FHAD1: variants seen among roughly 807,000 people sequenced by gnomAD.
The protein encoded by FHAD1 is forkhead-associated domain-containing protein 1.
In FHAD1, 146 loss-of-function variants were observed where a neutral mutation model predicts 191.3. The observed-to-expected ratio is 0.76, with a 90% CI of 0.67 to 0.88. FHAD1 has a LOEUF of 0.88. FHAD1 is among the 40% of genes least tolerant of loss of function. The probability of loss-of-function intolerance (pLI) is 0.00; values close to 1 mark genes in which losing one functional copy is unlikely to be tolerated. For missense variants in FHAD1, 1,635 were observed against 1,785.8 expected, an observed-to-expected ratio of 0.92 and a Z score of 1.52; for synonymous variants, 616 against 672.3, an observed-to-expected ratio of 0.92 and a Z score of 1.29.
intron 28 of FHAD1, among the ~76,000 whole-genome samples, chr1:15,376,381 T>C (rs924557297): frequency 1.3e-5 from 2 of 152,222 alleles, no homozygotes; most frequent in Non-Finnish European, 2.9e-5. Context: ...TGAGCCACTG[T>C]GCCCGGCCGA....
chr1:15,377,103 G>A (rs1214770680), intron 28 of FHAD1, among the ~76,000 whole-genome samples: 3 of 152,176 alleles, frequency 2.0e-5, no homozygotes, highest in East Asian at 1.9e-4. Flanking sequence ...TGATGGACAC[G>A]TGACAGGTCA....
chr1:15,241,066 G>A (rs868738141), intron 1 of FHAD1, among the ~76,000 whole-genome samples: 10 of 152,174 alleles, frequency 6.6e-5, no homozygotes, highest in Non-Finnish European at 5.9e-5. Context: ...TGCAGCCTGT[G>A]AGACCCTAAA....
At chr1:15,359,345 G>T (rs1315853343) in intron 21 of FHAD1, among the ~76,000 whole-genome samples, 1 of 152,126 alleles carries the variant, frequency 6.6e-6, no homozygotes, top group East Asian at 1.9e-4. Context: ...CTCGGGCAAA[G>T]AATGTATCTG....
chr1:15,293,692 T>G (rs1478323417), intron 4 of FHAD1, among the ~76,000 whole-genome samples: 4 of 152,190 alleles, frequency 2.6e-5, no homozygotes, highest in Non-Finnish European at 5.9e-5. Flanking sequence ...CACTCCAGCC[T>G]GGGCGGACAG....
At chr1:15,390,848 C>T (rs1465607287) in intron 32 of FHAD1, among the ~76,000 whole-genome samples, 1 of 152,164 alleles carries the variant, frequency 6.6e-6, no homozygotes, top group Non-Finnish European at 1.5e-5. Flanking sequence ...CATCTGCAGC[C>T]CCTTCCACTT....
At chr1:15,255,539 C>G (rs954779812) in intron 2 of FHAD1, among the ~76,000 whole-genome samples, 5 of 152,144 alleles carry the variant, frequency 3.3e-5, no homozygotes, top group African/African-American at 1.2e-4. Flanking sequence ...TATTATCACT[C>G]ATTCATTCCA....
At position 15,345,624 on chromosome 1, in the gene FHAD1, C is replaced by G. The variant is rs369121627; in HGVS notation, c.2346+101C>G. On this transcript the variant is annotated intron_variant, in intron 18 of 33. Transcript: ENST00000688493. Reference sequence around the variant, plus strand: ...TGATGGGGGTGAGATCGTGGTGGAGCCTTCCTCGTGGAGTTTGCGTTTGGG... The same window carrying G: ...TGATGGGGGTGAGATCGTGGTGGAGGCTTCCTCGTGGAGTTTGCGTTTGGG... 7.3e-6 allele frequency: 7 copies of G among 961,642 alleles called. No homozygotes were observed. In the African/African-American group the frequency reaches 8.1e-5, roughly 11 times the overall value. The allele number at this position is 961,642 out of a possible 1,614,324, so 59.6% of individuals were successfully genotyped here. A position where few individuals can be genotyped will look rare whatever the true frequency, so the allele number is the denominator to read the frequency against.
intron 2 of FHAD1, among the ~76,000 whole-genome samples, chr1:15,259,112 AGC>A: frequency 6.6e-6 from 1 of 152,156 alleles, no homozygotes; most frequent in African/African-American, 2.4e-5. Context: ...TTTTTACAGT[AGC>A]CATCCTAATG....
At chr1:15,302,209 C>A (rs1669038236) in intron 6 of FHAD1, among the ~76,000 whole-genome samples, 1 of 152,156 alleles carries the variant, frequency 6.6e-6, no homozygotes, top group Non-Finnish European at 1.5e-5. Context: ...CCAAATCCAG[C>A]CCCAGCCAGA....
In FHAD1 at chr1:15,381,860, C is replaced by T. The variant is rs540245968; in HGVS notation, c.4023-168C>T. ...ACACACATTCGGCTGATGAATGGCT[C>T]GTTCTGCTCTCTGTACCCCAAATCT... On this transcript the variant is annotated intron_variant, in intron 30 of 33. Transcript: ENST00000688493. This position sits in a 1 kb window ranked among gnomAD's most constrained non-coding sequence, Gnocchi z 4.6. 1.6e-4 allele frequency among the ~76,000 whole-genome samples: 24 copies of T among 151,748 alleles called. No homozygotes were observed. The South Asian group carries it at 3.1e-3, about 20-fold the overall frequency.
At chr1:15,321,772 T>C (rs1442245120) in intron 10 of FHAD1, among the ~76,000 whole-genome samples, 2 of 152,250 alleles carry the variant, frequency 1.3e-5, no homozygotes, top group South Asian at 2.1e-4. Flanking sequence ...TGTGTGCATA[T>C]GTGTGATTGT....
intron 2 of FHAD1, among the ~76,000 whole-genome samples, chr1:15,268,102 G>T (rs1345574257): frequency 5.3e-5 from 8 of 149,604 alleles, no homozygotes; most frequent in African/African-American, 2.0e-4. Flanking sequence ...CCATTAACTC[G>T]TCATTTAGCA....
rs142534513 is a variant in FHAD1 at position 15,318,397 on chromosome 1, G to T, written c.1365+469G>T. On this transcript the variant is annotated intron_variant, in intron 10 of 33. Transcript: ENST00000688493. The surrounding 1 kb of genome is among the most constrained non-coding windows in gnomAD (Gnocchi z 4.1). ...GCCTGTAATCCCAGCATTTTGGGAGGCTGAGGCAGATGGATCACCTGAGGT... is the reference window on the plus strand; with the variant it reads ...GCCTGTAATCCCAGCATTTTGGGAGTCTGAGGCAGATGGATCACCTGAGGT... Among the ~76,000 whole-genome samples, 1,805 of 152,292 alleles carry T rather than the reference G, an allele frequency of 0.012. 34 individuals carry two copies. The highest frequency in any genetic ancestry group is 0.042 in the African/African-American group (1,746 of 41,554).
At chr1:15,353,636 C>A (rs35626113) in intron 20 of FHAD1, among the ~76,000 whole-genome samples, 1,643 of 128,876 alleles carry the variant, frequency 0.013, 11 homozygotes, top group African/African-American at 0.019. Context: ...ACCTGGGAGG[C>A]GGAGGTTGCA....
intron 33 of FHAD1, among the ~76,000 whole-genome samples, chr1:15,395,327 TACGGGAGAGA>T (rs1705572640): frequency 3.5e-5 from 5 of 142,650 alleles, no homozygotes; most frequent in Admixed American, 3.5e-4. Context: ...AAAAAAAAGC[TACGGGAGAGA>T]ACTAGGAGGA....
At chr1:15,347,360 C>T (rs943887537) in intron 18 of FHAD1, among the ~76,000 whole-genome samples, 1 of 152,260 alleles carries the variant, frequency 6.6e-6, no homozygotes, top group Non-Finnish European at 1.5e-5. Context: ...CACCCCGCGT[C>T]TGTTAAAATG....
Position 15,391,213 on chromosome 1 carries a change from C to T in FHAD1, c.4273C>T (p.Arg1425Ter), listed in dbSNP as rs1032288912. ...CAFKEKDRQRRVFVEMVKNRM... is the reference protein window; with the variant it reads ...CAFKEKDRQR ...TCTTATTCTTTCTGTATTGAAGAGA[C>T]GAGTATTTGTAGAGATGGTGAAGAA... Residue 1425 changes from arginine (R) to a stop codon, truncating the protein, a stop_gained, in exon 33 of 34, where the codon CGA becomes TGA. Transcript: ENST00000688493. LOFTEE classifies it low-confidence loss of function (END_TRUNC). 18 of 1,284,342 alleles carry T rather than the reference C, an allele frequency of 1.4e-5. 1 individual carries two copies. The East Asian group carries it at 3.4e-4, about 24-fold the overall frequency. 79.6% of individuals were successfully genotyped at this position (1,284,342 alleles called of 1,614,324 possible).
intron 33 of FHAD1, among the ~76,000 whole-genome samples, chr1:15,396,495 T>C (rs1706020466): frequency 6.6e-6 from 1 of 152,204 alleles, no homozygotes. Flanking sequence ...ACAACAAATA[T>C]TTTATTTTGT....
At chr1:15,241,488 T>G (rs990568647) in intron 1 of FHAD1, among the ~76,000 whole-genome samples, 1 of 151,748 alleles carries the variant, frequency 6.6e-6, no homozygotes, top group Non-Finnish European at 1.5e-5. Context: ...CCACCTATAT[T>G]AAAATACAAA....
Sources: allele counts gnomAD v4.1 joint callset (sites outside exome capture counted in the v4.1 genomes callset), GRCh38; gene constraint gnomAD v4.1.1; non-coding constraint Gnocchi (gnomAD v3.1); transcripts MANE v1.5; gene names NCBI Gene and HGNC (gene_info 2026-07-23, HGNC 2026-07-21).